SEC61A1: variants seen among roughly 807,000 people sequenced by gnomAD.
SEC61A1 encodes protein transport protein Sec61 subunit alpha isoform 1.
Under a neutral mutation model 55.2 loss-of-function variants are expected in SEC61A1, and 15 were observed. The observed-to-expected ratio is 0.27, with a 90% CI of 0.18 to 0.42. The LOEUF (loss-of-function observed/expected upper bound fraction) is 0.42, where lower values mean the gene tolerates loss of function less well. Among genes scored for constraint, SEC61A1 ranks in the 10% least tolerant of loss-of-function variants. SEC61A1 has a pLI of 1.00. For synonymous variants in SEC61A1, 247 were observed against 234.0 expected, an observed-to-expected ratio of 1.06 and a Z score of -0.51; for missense variants, 284 against 602.6, an observed-to-expected ratio of 0.47 and a Z score of 5.53.
intron 5 of SEC61A1, 97 bp downstream of exon 5, chr3:128,056,937 A>C (rs368769726): frequency 1.8e-5 from 15 of 850,826 alleles, no homozygotes; most frequent in Admixed American, 4.3e-5. Context: ...TTTATTTTTT[A>C]TTTTTTTTTT....
chr3:128,060,103 AT>A lies in SEC61A1; in HGVS notation c.357del (p.Phe119LeufsTer3). 1 of 1,609,758 alleles carries A rather than the reference AT, an allele frequency of 6.2e-7. No individual in the cohort carries two copies. Reference sequence around the variant, plus strand: ...AACACTTCTTTCTTTCAATTCTAGTATTTGGCATGATCATTACTATCGGCCA... The same window carrying A: ...AACACTTCTTTCTTTCAATTCTAGTATTGGCATGATCATTACTATCGGCCA... ...RALFNGAQKL[F>X]GMIITIGQSI... On this transcript the variant is annotated frameshift_variant and splice_region_variant, in exon 6 of 12. Coordinates refer to ENST00000243253, the MANE Select transcript of SEC61A1 (RefSeq NM_013336.4). LOFTEE classifies it high-confidence loss of function.
At chr3:128,055,323 A>AT (rs967659012) in intron 2 of SEC61A1, among the ~76,000 whole-genome samples, 193 bp from the exon 3 acceptor site, 1 of 152,172 alleles carries the variant, frequency 6.6e-6, no homozygotes, top group African/African-American at 2.4e-5. Flanking sequence ...AGGTCCTTGC[A>AT]TTGTGCTCTG....
In SEC61A1 at chr3:128,060,652, A is replaced by G. The variant is rs146409878; in HGVS notation, c.607A>G (p.Thr203Ala). The G allele has an allele frequency of 2.5e-6, 4 of 1,614,140 alleles. No homozygotes were observed. The highest frequency in any genetic ancestry group is 3.4e-6 in the Non-Finnish European group (4 of 1,180,022). Residue 203 changes from threonine (T) to alanine (A), a missense_variant, in exon 7 of 12, where the codon ACT becomes GCT. Thr to Ala is a moderately conservative substitution (Grantham distance 58, BLOSUM62 0). Transcript: ENST00000243253. ...WKAFSPTTVNTGRGMEFEGAI... is the reference protein window; with the variant it reads ...WKAFSPTTVNAGRGMEFEGAI... ...GGCATTCAGCCCCACTACTGTCAAC[A>G]CTGGCCGAGGTAAGGGCCCTGTGCT...
At chr3:128,065,929 AGACAGG>A (rs1258528309) in intron 8 of SEC61A1, among the ~76,000 whole-genome samples, 1 of 151,684 alleles carries the variant, frequency 6.6e-6, no homozygotes, top group Admixed American at 6.6e-5. Flanking sequence ...TTTTTAGTAT[AGACAGG>A]GTTTCACCGT....
intron 5 of SEC61A1, among the ~76,000 whole-genome samples, chr3:128,057,679 G>GA (rs1233448459): frequency 8.7e-6 from 1 of 114,934 alleles, no homozygotes; most frequent in Non-Finnish European, 1.8e-5. Context: ...CCAACATGGT[G>GA]AAACCCCATC....
Position 128,067,961 on chromosome 3 carries a change from C to T in SEC61A1, c.1168-22C>T. 6.2e-7 allele frequency: 1 copy of T among 1,609,928 alleles called. No homozygotes were observed. The highest frequency in any genetic ancestry group is 2.2e-5 in the East Asian group (1 of 44,850). ...CCCCTTCAGCCTCCAATTCCAACTTCTCCCCTGTGGGCACCCTGCAGGTTG... is the reference window on the plus strand; with the variant it reads ...CCCCTTCAGCCTCCAATTCCAACTTTTCCCCTGTGGGCACCCTGCAGGTTG... On this transcript the variant is annotated intron_variant, in intron 10 of 11. Coordinates refer to ENST00000243253, the MANE Select transcript of SEC61A1 (RefSeq NM_013336.4). The surrounding 1 kb of genome is among the most constrained non-coding windows in gnomAD (Gnocchi z 4.1).
chr3:128,060,462 C>G (rs368420712), intron 6 of SEC61A1, 46 bp from the exon 7 acceptor site: 2 of 1,596,910 alleles, frequency 1.3e-6, no homozygotes, highest in Non-Finnish European at 1.7e-6. Context: ...GAACCATGTC[C>G]GTGGGGAGCA....
At chr3:128,051,997 G>C, upstream of SEC61A1, 3 of 1,008,732 alleles carry the variant, frequency 3.0e-6, no homozygotes, top group Non-Finnish European at 4.5e-6. Context: ...CTGGGATAAG[G>C]TCCCTGCTCC....
At chr3:128,058,202 T>C (rs1026237423) in intron 5 of SEC61A1, among the ~76,000 whole-genome samples, 3 of 16,394 alleles carry the variant, frequency 1.8e-4, no homozygotes, top group Admixed American at 5.6e-4. Flanking sequence ...AATACGTCTA[T>C]TTTTTTTTTT....
intron 2 of SEC61A1, among the ~76,000 whole-genome samples, chr3:128,054,832 G>A (rs1278291584): frequency 2.0e-5 from 3 of 152,194 alleles, no homozygotes; most frequent in African/African-American, 7.2e-5. Context: ...AGTGACAGAG[G>A]TTTTGGGTGG....
intron 5 of SEC61A1, among the ~76,000 whole-genome samples, 180 bp downstream of exon 5, chr3:128,057,020 T>C (rs1009665657): frequency 1.3e-5 from 2 of 151,960 alleles, no homozygotes; most frequent in Non-Finnish European, 2.9e-5. Context: ...CACTGCAACC[T>C]CCACCTCCCA....
chr3:128,066,816 C>T (rs1466125105), intron 8 of SEC61A1, 138 bp from the exon 9 acceptor site: 6 of 744,744 alleles, frequency 8.1e-6, no homozygotes, highest in East Asian at 2.7e-5. Context: ...CACAAGCTCT[C>T]GGAACTGGGA....
intron 7 of SEC61A1, among the ~76,000 whole-genome samples, chr3:128,062,465 T>A (rs984935894): frequency 1.1e-4 from 16 of 152,212 alleles, no homozygotes; most frequent in East Asian, 1.9e-4. Context: ...AGTCCCAAAT[T>A]TGAAACCGTG....
chr3:128,053,028 T>C, intron 2 of SEC61A1, 126 bp downstream of exon 2: 4 of 680,956 alleles, frequency 5.9e-6, no homozygotes, highest in Non-Finnish European at 7.5e-6. Flanking sequence ...CCTTGGAGTG[T>C]AGTTGTGCTC....
At chr3:128,059,630 C>G (rs1343852054) in intron 5 of SEC61A1, among the ~76,000 whole-genome samples, 9 of 152,102 alleles carry the variant, frequency 5.9e-5, no homozygotes, top group African/African-American at 2.2e-4. Context: ...ATAATTCTGT[C>G]CTCTGGACCC....
At chr3:128,065,332 A>G (rs543752215) in intron 8 of SEC61A1, 2 of 587,806 alleles carry the variant, frequency 3.4e-6, no homozygotes, top group Non-Finnish European at 6.0e-6. Context: ...GTTCAAGAGA[A>G]GCAAAAAGTA....
chr3:128,063,848 A>G (rs1273885052), intron 7 of SEC61A1, among the ~76,000 whole-genome samples: 1 of 152,190 alleles, frequency 6.6e-6, no homozygotes, highest in African/African-American at 2.4e-5. Context: ...TAACGTAAGT[A>G]AATTTCTTGC....
chr3:128,052,707 G>A, intron 1 of SEC61A1, 128 bp from the exon 2 acceptor site: 1 of 1,499,108 alleles, frequency 6.7e-7, no homozygotes, highest in Non-Finnish European at 9.1e-7. Flanking sequence ...GTATCCCCAC[G>A]CGTCCGGGGT....
chr3:128,058,800 A>T (rs1269874514), intron 5 of SEC61A1, among the ~76,000 whole-genome samples: 1 of 152,138 alleles, frequency 6.6e-6, no homozygotes, highest in East Asian at 1.9e-4. Context: ...CAGGAGTTTG[A>T]GGCTGCTAGT....
Sources: gnomAD v4.1 joint callset for allele counts (sites outside exome capture counted in the v4.1 genomes callset) on GRCh38, gnomAD v4.1.1 for gene constraint, Gnocchi (gnomAD v3.1) non-coding constraint, MANE v1.5 for transcripts, NCBI Gene and HGNC (gene_info 2026-07-23, HGNC 2026-07-21) for gene names.